Variants in DIAPH1 observed in about 807,000 individuals in gnomAD.
DIAPH1 encodes the protein protein diaphanous homolog 1.
In DIAPH1, 46 loss-of-function variants were observed where a neutral mutation model predicts 140.7. The observed-to-expected ratio is 0.33, with a 90% CI of 0.26 to 0.42. DIAPH1 has a LOEUF of 0.42. Among genes scored for constraint, DIAPH1 ranks in the 10% least tolerant of loss-of-function variants. The pLI is 1.00. For missense variants in DIAPH1, 1,310 were observed against 1,558.7 expected, an observed-to-expected ratio of 0.84 and a Z score of 2.69; for synonymous variants, 565 against 551.6, an observed-to-expected ratio of 1.02 and a Z score of -0.34.
intron 11 of DIAPH1, chr5:141,577,867 A>G (rs2099896195): frequency 6.0e-6 from 3 of 498,116 alleles, no homozygotes; most frequent in Non-Finnish European, 1.1e-5. Context: ...AACTGCCTCA[A>G]AGTCACTTAC....
chr5:141,524,255 G>T, intron 26 of DIAPH1, 26 bp from the exon 27 acceptor site: 1 of 1,601,132 alleles, frequency 6.2e-7, no homozygotes, highest in Non-Finnish European at 8.6e-7. Context: ...AGATGGAGAT[G>T]TGAACTCTTC....
chr5:141,574,314 T>C (rs1049503853), intron 15 of DIAPH1, 106 bp from the exon 16 acceptor site: 75 of 1,157,566 alleles, frequency 6.5e-5, no homozygotes, highest in Non-Finnish European at 8.7e-5. Context: ...ATGTTACAAA[T>C]GGAGGAACTG....
chr5:141,526,437 G>A lies in DIAPH1; in HGVS notation c.3298C>T (p.Gln1100Ter). 2 of 1,614,162 alleles carry A rather than the reference G, an allele frequency of 1.2e-6. No individual in the cohort carries two copies. Among genetic ancestry groups the A allele is most frequent in the Non-Finnish European group, 1.7e-6 (2 of 1,180,032 alleles). Residue 1100 changes from glutamine to a stop codon, truncating the protein, a stop_gained, in exon 25 of 28, where the codon CAG becomes TAG. Transcript: ENST00000389054. LOFTEE classifies it high-confidence loss of function. The part of the protein sequence containing the change: ...MTSFVKDAQE[Q>*]YNKLRMMHSN... ...TGCATCATCCGCAGCTTGTTATACT[G>A]TTCCTGTGCATCCTTCACAAAGCTG...
chr5:141,530,035 G>A (rs545540543), intron 19 of DIAPH1, among the ~76,000 whole-genome samples: 38 of 152,222 alleles, frequency 2.5e-4, no homozygotes, highest in Non-Finnish European at 4.9e-4. Context: ...AGTGAGCTGT[G>A]ACCGCACCAC....
chr5:141,575,920 A>C (rs2099895903), intron 14 of DIAPH1, among the ~76,000 whole-genome samples: 1 of 152,166 alleles, frequency 6.6e-6, no homozygotes, highest in Non-Finnish European at 1.5e-5. Context: ...CTATTGTTCT[A>C]GGGGTAAGAG....
intron 18 of DIAPH1, among the ~76,000 whole-genome samples, chr5:141,547,647 A>G (rs2099891015): frequency 6.6e-6 from 1 of 152,122 alleles, no homozygotes; most frequent in South Asian, 2.1e-4. Flanking sequence ...GTAAGAATGA[A>G]AAAGAATGTA....
chr5:141,606,847 T>G (rs1416107885), intron 1 of DIAPH1, among the ~76,000 whole-genome samples: 3 of 152,012 alleles, frequency 2.0e-5, no homozygotes, highest in Non-Finnish European at 2.9e-5. Flanking sequence ...AGTGATTCTC[T>G]CTGCCCCATA....
At chr5:141,574,601 C>T (rs2099895684) in intron 15 of DIAPH1, among the ~76,000 whole-genome samples, 1 of 152,156 alleles carries the variant, frequency 6.6e-6, no homozygotes, top group Non-Finnish European at 1.5e-5. Context: ...GTATTTACTA[C>T]TGCAGAGAGA....
At chr5:141,595,819 T>C (rs771224872) in intron 1 of DIAPH1, among the ~76,000 whole-genome samples, 13 of 152,152 alleles carry the variant, frequency 8.5e-5, no homozygotes, top group African/African-American at 1.4e-4. Context: ...CAGCGATATA[T>C]TGGAAATCTC....
At chr5:141,560,791 G>C in intron 18 of DIAPH1, 2 of 455,364 alleles carry the variant, frequency 4.4e-6, no homozygotes, top group South Asian at 3.1e-5. Flanking sequence ...GAAGTAACAG[G>C]GTAAGAGCAG....
chr5:141,603,527 C>A (rs574753612), intron 1 of DIAPH1, among the ~76,000 whole-genome samples: 66 of 152,236 alleles, frequency 4.3e-4, no homozygotes, highest in African/African-American at 1.4e-3. Context: ...CACCCGGGAA[C>A]AATGAAAGAT....
chr5:141,546,419 A>G (rs993945684), intron 18 of DIAPH1, among the ~76,000 whole-genome samples: 1 of 152,126 alleles, frequency 6.6e-6, no homozygotes, highest in Non-Finnish European at 1.5e-5. Context: ...GCACTTTAGG[A>G]GGCCGAGGCA....
At chr5:141,553,544 G>C (rs1263280627) in intron 18 of DIAPH1, among the ~76,000 whole-genome samples, 1 of 151,812 alleles carries the variant, frequency 6.6e-6, no homozygotes, top group Non-Finnish European at 1.5e-5. Context: ...TCAGGAGGCT[G>C]AGGCAGGAGA....
chr5:141,553,601 C>T (rs1329808819), intron 18 of DIAPH1, among the ~76,000 whole-genome samples: 1 of 151,976 alleles, frequency 6.6e-6, no homozygotes, highest in African/African-American at 2.4e-5. Flanking sequence ...CAAGATCACA[C>T]CACTGCACTC....
intron 27 of DIAPH1, among the ~76,000 whole-genome samples, chr5:141,523,608 A>G (rs183956235): frequency 5.3e-5 from 8 of 152,208 alleles, no homozygotes; most frequent in Admixed American, 3.3e-4. Flanking sequence ...AGGAAAAGGT[A>G]GTTTTCAGAC....
chr5:141,572,105 CG>C, intron 16 of DIAPH1, 65 bp from the exon 17 acceptor site: 1 of 1,158,942 alleles, frequency 8.6e-7, no homozygotes, highest in South Asian at 1.2e-5. Flanking sequence ...TCCTAGAAAA[CG>C]GATGAGGCTG....
At chr5:141,607,587 C>A (rs1048143832) in intron 1 of DIAPH1, among the ~76,000 whole-genome samples, 11 of 152,198 alleles carry the variant, frequency 7.2e-5, no homozygotes, top group Non-Finnish European at 1.6e-4. Flanking sequence ...AAATTTCAAT[C>A]CTGCTTTCTG....
chr5:141,601,157 C>T (rs2099900088), intron 1 of DIAPH1, among the ~76,000 whole-genome samples: 2 of 151,340 alleles, frequency 1.3e-5, no homozygotes, highest in African/African-American at 2.4e-5. Context: ...AGCACACCAA[C>T]ATGGCACATG....
Position 141,565,721 on chromosome 5 carries a change from A to C in DIAPH1, c.2482+5707T>G, listed in dbSNP as rs537075005. 6.6e-6 allele frequency among the ~76,000 whole-genome samples: 1 copy of C among 152,348 alleles called. No homozygotes were observed. Among genetic ancestry groups the C allele is most frequent in the African/African-American group, 2.4e-5 (1 of 41,572 alleles). On this transcript the variant is annotated intron_variant, in intron 18 of 27. Transcript: ENST00000389054. This position sits in a 1 kb window ranked among gnomAD's most constrained non-coding sequence, Gnocchi z 4.3. ...TAACCTTTAGGAGAGCAGGAAATTCAATGAATTTGTAATGCTTCAAATATG... is the reference window on the plus strand; with the variant it reads ...TAACCTTTAGGAGAGCAGGAAATTCCATGAATTTGTAATGCTTCAAATATG...
Sources: allele counts gnomAD v4.1 joint callset (sites outside exome capture counted in the v4.1 genomes callset), GRCh38; gene constraint gnomAD v4.1.1; non-coding constraint Gnocchi (gnomAD v3.1); transcripts MANE v1.5; gene names NCBI Gene and HGNC (gene_info 2026-07-23, HGNC 2026-07-21).